ITPR3: variants seen among roughly 807,000 people sequenced by gnomAD.
ITPR3 encodes the protein inositol 1,4,5-trisphosphate receptor type 3.
In ITPR3, 173 loss-of-function variants were observed where a neutral mutation model predicts 293.2. That is an observed-to-expected ratio of 0.59 (90% CI 0.52 to 0.67). The LOEUF is 0.67. Ranked by LOEUF, ITPR3 falls within the 30% of genes least tolerant of loss-of-function variation. The probability of loss-of-function intolerance (pLI) is 0.00; values close to 1 mark genes in which losing one functional copy is unlikely to be tolerated. For missense variants in ITPR3, 2,796 were observed against 3,592.1 expected, an observed-to-expected ratio of 0.78 and a Z score of 5.66; for synonymous variants, 1,295 against 1,444.4, an observed-to-expected ratio of 0.90 and a Z score of 2.35.
Position 33,633,475 on chromosome 6 carries a change from G to A in ITPR3, c.90-7009G>A, listed in dbSNP as rs1195122581. On this transcript the variant is annotated intron_variant, in intron 1 of 57. Coordinates refer to ENST00000605930, the MANE Select transcript of ITPR3 (RefSeq NM_002224.4). This position sits in a 1 kb window ranked among gnomAD's most constrained non-coding sequence, Gnocchi z 5.2. ...CCGCCATGAGGAAGAGTCGGGGTGGGGCGCTAAGGCCAGGGACGTCGGTGC... is the reference window on the plus strand; with the variant it reads ...CCGCCATGAGGAAGAGTCGGGGTGGAGCGCTAAGGCCAGGGACGTCGGTGC... Among the ~76,000 whole-genome samples the A allele has an allele frequency of 6.6e-6, 1 of 152,192 alleles. No individual in the cohort carries two copies. Among genetic ancestry groups the A allele is most frequent in the Non-Finnish European group, 1.5e-5 (1 of 68,008 alleles).
At position 33,687,586 on chromosome 6, in the gene ITPR3, G is replaced by A. The variant is rs764546403; in HGVS notation, c.6264+22G>A. The A allele has an allele frequency of 3.4e-5, 53 of 1,553,764 alleles. No individual in the cohort carries two copies. The highest frequency in any genetic ancestry group is 4.5e-5 in the Non-Finnish European group (51 of 1,132,728). Reference sequence around the variant, plus strand: ...CATGGTGGGTGCTGGCCCCGAGACTGGGGTGGGGGTGGGGCCTGGAACCCA... The same window carrying A: ...CATGGTGGGTGCTGGCCCCGAGACTAGGGTGGGGGTGGGGCCTGGAACCCA... On this transcript the variant is annotated intron_variant, in intron 46 of 57. Coordinates refer to ENST00000605930, the MANE Select transcript of ITPR3 (RefSeq NM_002224.4). This position sits in a 1 kb window ranked among gnomAD's most constrained non-coding sequence, Gnocchi z 5.3.
Position 33,695,314 on chromosome 6 carries a change from G to C in ITPR3, c.7947+229G>C, listed in dbSNP as rs1001413536. 14 of 583,978 alleles carry C rather than the reference G, an allele frequency of 2.4e-5. No individual in the cohort carries two copies. The African/African-American group carries it at 2.4e-4, about 10-fold the overall frequency. 36.2% of individuals were successfully genotyped at this position (583,978 alleles called of 1,614,324 possible). A position where few individuals can be genotyped will look rare whatever the true frequency, so the allele number is the denominator to read the frequency against. ...GGCCAAGTGGAAACTTTAGTACAGG[G>C]TGGTGGGGCCCTCTGTCTCTCATCC... On this transcript the variant is annotated intron_variant, in intron 57 of 57. Coordinates refer to ENST00000605930, the MANE Select transcript of ITPR3 (RefSeq NM_002224.4).
intron 2 of ITPR3, among the ~76,000 whole-genome samples, chr6:33,651,109 T>C (rs1764177564): frequency 6.6e-6 from 1 of 151,918 alleles, no homozygotes; most frequent in African/African-American, 2.4e-5. Flanking sequence ...ACCTCGTCTC[T>C]ACTGAAAAAT....
intron 1 of ITPR3, among the ~76,000 whole-genome samples, chr6:33,637,113 A>G (rs772124854): frequency 2.0e-5 from 3 of 152,184 alleles, no homozygotes; most frequent in Non-Finnish European, 4.4e-5. Context: ...TACTCTGGGG[A>G]CACCACCTGG....
Position 33,664,646 on chromosome 6 carries a change from C to T in ITPR3, c.1149-224C>T, listed in dbSNP as rs1038440584. On this transcript the variant is annotated intron_variant, in intron 11 of 57. Transcript: ENST00000605930. This position sits in a 1 kb window ranked among gnomAD's most constrained non-coding sequence, Gnocchi z 4.4. ...GAAGCGTGGACAAGGCTGCCCGTGT[C>T]AGTGCAGTGGTCAGGACGGGGCCTG... Among the ~76,000 whole-genome samples, 2 of 152,226 alleles carry T rather than the reference C, an allele frequency of 1.3e-5. No homozygotes were observed. Among genetic ancestry groups the T allele is most frequent in the Non-Finnish European group, 2.9e-5 (2 of 68,048 alleles).
At chr6:33,643,159 G>T (rs939610068) in intron 2 of ITPR3, among the ~76,000 whole-genome samples, 10 of 152,224 alleles carry the variant, frequency 6.6e-5, no homozygotes, top group Admixed American at 5.9e-4. Flanking sequence ...GTTATGGCAG[G>T]CGTTTTAGAA....
chr6:33,660,148 G>C (rs1195962510), intron 7 of ITPR3, among the ~76,000 whole-genome samples: 1 of 152,200 alleles, frequency 6.6e-6, no homozygotes, highest in Non-Finnish European at 1.5e-5. Context: ...GTGGGCGAGA[G>C]AGGAGAGTTC....
intron 56 of ITPR3, chr6:33,694,699 GGAAGTCAGC>G: frequency 1.8e-6 from 1 of 564,196 alleles, no homozygotes; most frequent in Admixed American, 3.2e-5. Context: ...GCTGCCTAAC[GGAAGTCAGC>G]CTGTCTCGGT....
rs766944922 is a variant in ITPR3, at chr6:33,683,241, G to A, written c.4632G>A (p.Leu1544=). ...KGRAILLPMD[L]DAHISSMLSS... is the part of the protein sequence containing the mutation. ...GGGCCATCTTGCTGCCCATGGACCTGGATGCCCACATCAGCTCGATGCTCA... is the reference window on the plus strand; with the variant it reads ...GGGCCATCTTGCTGCCCATGGACCTAGATGCCCACATCAGCTCGATGCTCA... Residue 1544 remains leucine, a synonymous_variant, in exon 35 of 58, where the codon CTG becomes CTA. Coordinates refer to ENST00000605930, the MANE Select transcript of ITPR3 (RefSeq NM_002224.4). The surrounding 1 kb of genome is among the most constrained non-coding windows in gnomAD (Gnocchi z 4.5). 1 of 1,556,190 alleles carries A rather than the reference G, an allele frequency of 6.4e-7. No individual in the cohort carries two copies. The highest frequency in any genetic ancestry group is 8.7e-7 in the Non-Finnish European group (1 of 1,147,660).
At chr6:33,625,695 G>A (rs1263154385) in intron 1 of ITPR3, among the ~76,000 whole-genome samples, 1 of 152,148 alleles carries the variant, frequency 6.6e-6, no homozygotes, top group African/African-American at 2.4e-5. Context: ...AGGGCCTCTG[G>A]ACCTGGATCA....
rs1476916708 is a variant in ITPR3 at position 33,632,753 on chromosome 6, G to A, written c.90-7731G>A. 6.6e-6 allele frequency among the ~76,000 whole-genome samples: 1 copy of A among 152,240 alleles called. No homozygotes were observed. Among genetic ancestry groups the A allele is most frequent in the Non-Finnish European group, 1.5e-5 (1 of 68,044 alleles). On this transcript the variant is annotated intron_variant, in intron 1 of 57. Coordinates refer to ENST00000605930, the MANE Select transcript of ITPR3 (RefSeq NM_002224.4). This position sits in a 1 kb window ranked among gnomAD's most constrained non-coding sequence, Gnocchi z 4.1. Reference sequence around the variant, plus strand: ...CCAGTGGATGGAAGGCGCACTGCAGGGACTGTTGTCCTCTGGGCTCCTGAG... The same window carrying A: ...CCAGTGGATGGAAGGCGCACTGCAGAGACTGTTGTCCTCTGGGCTCCTGAG...
In ITPR3 at chr6:33,665,901, T is replaced by A; in HGVS notation, c.1476T>A (p.Asn492Lys). ...FVSDVPNNGQ[N>K]VLDIMVTKPN... ...GCGATGTCCCCAACAATGGGCAGAA[T>A]GTCCTGGACATCATGGTCACTAAGC... The change falls in exon 14 of 58, where the codon AAT (asparagine) becomes AAA (lysine). Residue 492 changes from asparagine to lysine, a missense_variant. Physicochemically the swap from Asn to Lys is moderately conservative, Grantham distance 94 (BLOSUM62 0). Around this residue, in one of 8 missense-constraint regions of ITPR3, gnomAD observed 955 missense variants for 1,180.8 expected, o/e 0.81. Transcript: ENST00000605930. The A allele has an allele frequency of 6.2e-7, 1 of 1,614,222 alleles. No individual in the cohort carries two copies. The highest frequency in any genetic ancestry group is 2.2e-5 in the East Asian group (1 of 44,882).
chr6:33,675,496 CG>C lies in ITPR3; in HGVS notation c.3117-192del, dbSNP rs1478739141. On this transcript the variant is annotated intron_variant, in intron 24 of 57. Transcript: ENST00000605930. This position sits in a 1 kb window ranked among gnomAD's most constrained non-coding sequence, Gnocchi z 5.0. ...GAGTCCCGAGAGATCCCAGGAGACA[CG>C]GGTCACTCCGGAGATTCAGGGGAGT... Among the ~76,000 whole-genome samples the C allele has an allele frequency of 6.6e-6, 1 of 151,842 alleles. No homozygotes were observed. The highest frequency in any genetic ancestry group is 2.4e-5 in the African/African-American group (1 of 41,294).
At chr6:33,669,299 C>G (rs1430404086) in intron 18 of ITPR3, 143 bp downstream of exon 18, 1 of 811,324 alleles carries the variant, frequency 1.2e-6, no homozygotes, top group Non-Finnish European at 1.9e-6. Flanking sequence ...CCTGCTGTCA[C>G]TCCCCTGCCA....
intron 1 of ITPR3, among the ~76,000 whole-genome samples, chr6:33,626,771 C>A (rs1377907752): frequency 2.0e-5 from 3 of 152,172 alleles, no homozygotes; most frequent in Non-Finnish European, 4.4e-5. Flanking sequence ...TCGCTGATAG[C>A]ATTCCCTGGG....
At chr6:33,660,725 T>C (rs890740277) in intron 7 of ITPR3, among the ~76,000 whole-genome samples, 1 of 152,026 alleles carries the variant, frequency 6.6e-6, no homozygotes, top group Non-Finnish European at 1.5e-5. Flanking sequence ...GGTCAGGAGC[T>C]CAAGACCAGC....
At position 33,688,838 on chromosome 6, in the gene ITPR3, G is replaced by C. The variant is rs1335398992; in HGVS notation, c.6694+57G>C. The C allele has an allele frequency of 8.7e-6, 14 of 1,611,966 alleles. No individual in the cohort carries two copies. In the East Asian group the frequency reaches 2.9e-4, roughly 33 times the overall value. ...CGGGCCCTGCCATGCTTCCTCCCTG[G>C]GTTGGGGCAGAGCCTTGAGGCCAGC... On this transcript the variant is annotated intron_variant, in intron 49 of 57. Coordinates refer to ENST00000605930, the MANE Select transcript of ITPR3 (RefSeq NM_002224.4).
rs1207442495 is a variant in ITPR3 at position 33,655,614 on chromosome 6, G to A, written c.161-152G>A. ...TATTCCAGGATGCTCCAAATTCTGT[G>A]AGGTTCTTCCAACCGCTTCCTCTCT... On this transcript the variant is annotated intron_variant, in intron 2 of 57. Transcript: ENST00000605930. The surrounding 1 kb of genome is among the most constrained non-coding windows in gnomAD (Gnocchi z 4.9). 14 of 1,011,926 alleles carry A rather than the reference G, an allele frequency of 1.4e-5. No homozygotes were observed. The highest frequency in any genetic ancestry group is 2.0e-5 in the Non-Finnish European group (14 of 698,036). 62.7% of individuals were successfully genotyped at this position (1,011,926 alleles called of 1,614,324 possible). A position where few individuals can be genotyped will look rare whatever the true frequency, so the allele number is the denominator to read the frequency against.
chr6:33,648,255 G>T (rs994340165), intron 2 of ITPR3, among the ~76,000 whole-genome samples: 1 of 151,766 alleles, frequency 6.6e-6, no homozygotes, highest in South Asian at 2.1e-4. Context: ...TTGTAGAGAC[G>T]AGGTCTCACT....
Sources: gnomAD v4.1 joint callset for allele counts (sites outside exome capture counted in the v4.1 genomes callset) on GRCh38, gnomAD v4.1.1 for gene constraint, gnomAD v4.1.1 regional missense constraint, Gnocchi (gnomAD v3.1) non-coding constraint, MANE v1.5 for transcripts, NCBI Gene and HGNC (gene_info 2026-07-23, HGNC 2026-07-21) for gene names.